The following WDPCP variants were observed in gnomAD, a reference collection of about 807,000 sequenced individuals.
The protein encoded by WDPCP is WD repeat-containing and planar cell polarity effector protein fritz homolog.
In WDPCP, 71 loss-of-function variants were observed where a neutral mutation model predicts 93.1. That is an observed-to-expected ratio of 0.76 (90% confidence interval 0.63 to 0.93). The LOEUF is 0.93. WDPCP is among the 40% of genes least tolerant of loss of function. The pLI, the probability that WDPCP is intolerant of heterozygous loss-of-function variation, is 0.00. For missense variants in WDPCP, 844 were observed against 887.4 expected (o/e 0.95, Z 0.62); for synonymous variants, 315 against 315.0 (o/e 1.00, Z 0.00).
intron 2 of WDPCP, among the ~76,000 whole-genome samples, chr2:63,765,947 A>G (rs1191981310): frequency 6.6e-6 from 1 of 152,230 alleles, no homozygotes; most frequent in South Asian, 2.1e-4. Context: ...CAGGCTTCCT[A>G]TCAGATATTT....
At chr2:63,537,329 A>T (rs557423999) in intron 1 of WDPCP, among the ~76,000 whole-genome samples, 36 of 152,124 alleles carry the variant, frequency 2.4e-4, no homozygotes, top group Admixed American at 2.2e-3. Flanking sequence ...TCAAGTAATA[A>T]CTCAGAAAGT....
intron 1 of WDPCP, among the ~76,000 whole-genome samples, chr2:63,576,806 G>A (rs1164637537): frequency 6.6e-6 from 1 of 152,170 alleles, no homozygotes; most frequent in African/African-American, 2.4e-5. Context: ...GATTCCAAGG[G>A]TTTGGGTTGT....
At chr2:63,569,315 G>C (rs1325213961) in intron 1 of WDPCP, among the ~76,000 whole-genome samples, 1 of 152,170 alleles carries the variant, frequency 6.6e-6, no homozygotes, top group East Asian at 1.9e-4. Context: ...TGAGGAAAAA[G>C]AAGAATGCAA....
intron 13 of WDPCP, among the ~76,000 whole-genome samples, chr2:63,282,596 T>A (rs972148120): frequency 6.6e-6 from 1 of 152,208 alleles, no homozygotes; most frequent in Non-Finnish European, 1.5e-5. Context: ...CCAACTGATT[T>A]ATAAAACATA....
At chr2:63,565,131 A>G (rs7570031) in intron 1 of WDPCP, among the ~76,000 whole-genome samples, 123,617 of 152,136 alleles carry the variant, frequency 0.81, 51,037 homozygotes, top group East Asian at 0.98. Context: ...AAAGCAAAAC[A>G]AGATTTATCC....
intron 13 of WDPCP, among the ~76,000 whole-genome samples, chr2:63,282,374 G>A (rs1406452946): frequency 1.3e-5 from 2 of 152,128 alleles, no homozygotes; most frequent in Non-Finnish European, 2.9e-5. Context: ...GCGTGGTGGT[G>A]CGTACCTGTA....
intron 2 of WDPCP, among the ~76,000 whole-genome samples, chr2:63,730,036 G>T (rs1669537877): frequency 1.3e-5 from 2 of 152,164 alleles, no homozygotes; most frequent in Non-Finnish European, 2.9e-5. Flanking sequence ...AGTGTTTGTT[G>T]TAAGGGAGGG....
At chr2:63,304,252 G>A (rs984525481) in intron 13 of WDPCP, among the ~76,000 whole-genome samples, 3 of 152,176 alleles carry the variant, frequency 2.0e-5, no homozygotes, top group African/African-American at 7.2e-5. Context: ...TTCATCAATG[G>A]TTGATTGTAT....
At chr2:63,608,450 C>T (rs1709577829) in intron 3 of WDPCP, among the ~76,000 whole-genome samples, 1 of 152,090 alleles carries the variant, frequency 6.6e-6, no homozygotes, top group Admixed American at 6.6e-5. Flanking sequence ...TCATGCTTAA[C>T]ACACTGTCCA....
intron 10 of WDPCP, among the ~76,000 whole-genome samples, chr2:63,403,004 A>C (rs1346568571): frequency 6.6e-6 from 1 of 152,240 alleles, no homozygotes; most frequent in Non-Finnish European, 1.5e-5. Flanking sequence ...CACCATTCAC[A>C]ATAGTAGAGA....
In WDPCP at chr2:63,262,457, T is replaced by C. The variant is rs1268973294; in HGVS notation, c.1813-3048A>G. On this transcript the variant is annotated intron_variant, in intron 13 of 17. Transcript: ENST00000272321. ...ATAAACTGATCTTAAAATTAATAGG[T>C]CAAAACAAATGGTCAAGAATATCTA... 4.7e-5 allele frequency among the ~76,000 whole-genome samples: 7 copies of C among 147,730 alleles called. No homozygotes were observed. The East Asian group carries it at 1.2e-3, about 25-fold the overall frequency.
In WDPCP at chr2:63,785,616, A is replaced by G. The variant is rs1670455637; in HGVS notation, n.308+28006T>C. Reference sequence around the variant, plus strand: ...AACCCTCTCTGTTCTTCTCTTTATTATATTCTATATTTTATTGTTGTTGGT... The same window carrying G: ...AACCCTCTCTGTTCTTCTCTTTATTGTATTCTATATTTTATTGTTGTTGGT... On this transcript the variant is annotated intron_variant and non_coding_transcript_variant, in intron 2 of 4. Transcript: ENST00000467687. Among the ~76,000 whole-genome samples, 3 of 152,238 alleles carry G rather than the reference A, an allele frequency of 2.0e-5. No homozygotes were observed. In the South Asian group the frequency reaches 6.2e-4, roughly 32 times the overall value.
intron 2 of WDPCP, among the ~76,000 whole-genome samples, chr2:63,492,503 A>G (rs1268979144): frequency 6.6e-6 from 1 of 151,700 alleles, no homozygotes; most frequent in Admixed American, 6.6e-5. Context: ...AATAAATTTT[A>G]TTATTTATTT....
At chr2:63,545,768 T>C (rs1045933944) in intron 1 of WDPCP, among the ~76,000 whole-genome samples, 2 of 151,430 alleles carry the variant, frequency 1.3e-5, no homozygotes, top group Admixed American at 6.6e-5. Context: ...CACAAGAATA[T>C]GACACACCTC....
chr2:63,277,668 T>C (rs561291770), intron 13 of WDPCP, among the ~76,000 whole-genome samples: 6 of 152,318 alleles, frequency 3.9e-5, no homozygotes, highest in African/African-American at 1.4e-4. Context: ...AGAGACATTA[T>C]ATAATGATAA....
chr2:63,567,490 T>C (rs1044674691), intron 1 of WDPCP, among the ~76,000 whole-genome samples: 1 of 152,214 alleles, frequency 6.6e-6, no homozygotes, highest in African/African-American at 2.4e-5. Context: ...CACTAAGCTC[T>C]AGCCTCTCTA....
intron 14 of WDPCP, chr2:63,232,726 A>G (rs1229697532): frequency 6.5e-6 from 1 of 153,064 alleles, no homozygotes; most frequent in African/African-American, 2.4e-5. Flanking sequence ...CATTAAGCTT[A>G]ACCTTTTTCA....
At chr2:63,237,033 A>C (rs1285059296) in intron 14 of WDPCP, among the ~76,000 whole-genome samples, 1 of 152,156 alleles carries the variant, frequency 6.6e-6, no homozygotes, top group Non-Finnish European at 1.5e-5. Flanking sequence ...AACTATCAAC[A>C]GAATAAATAG....
chr2:63,390,617 G>A (rs917938469), intron 10 of WDPCP, among the ~76,000 whole-genome samples: 1 of 152,092 alleles, frequency 6.6e-6, no homozygotes, highest in Non-Finnish European at 1.5e-5. Context: ...CCGGGAGCTG[G>A]TTTTTCAAAA....
Sources: allele counts gnomAD v4.1 joint callset (sites outside exome capture counted in the v4.1 genomes callset), GRCh38; gene constraint gnomAD v4.1.1; transcripts MANE v1.5; gene names NCBI Gene and HGNC (gene_info 2026-07-23, HGNC 2026-07-21).